PTPRM: variants seen among roughly 807,000 people sequenced by gnomAD.
The protein encoded by PTPRM is protein tyrosine phosphatase receptor type M, also known as receptor-type tyrosine-protein phosphatase mu.
A neutral mutation model predicts 186.7 loss-of-function variants in PTPRM; 47 were observed. The observed-to-expected ratio is 0.25, with a 90% confidence interval of 0.20 to 0.32. The LOEUF (loss-of-function observed/expected upper bound fraction) is 0.32. Among genes scored for constraint, PTPRM ranks in the 10% least tolerant of loss-of-function variants. PTPRM has a pLI of 1.00. For missense variants in PTPRM, 1,494 were observed against 1,865.0 expected (o/e 0.80, Z 3.66); for synonymous variants, 668 against 674.9 (o/e 0.99, Z 0.16).
At chr18:7,705,420 TG>T (rs1450953351) in intron 1 of PTPRM, among the ~76,000 whole-genome samples, 1 of 151,998 alleles carries the variant, frequency 6.6e-6, no homozygotes, top group Non-Finnish European at 1.5e-5. Context: ...AAAGTTTTAA[TG>T]GTGGTTGTAC....
At chr18:7,644,226 T>C (rs1412030005) in intron 1 of PTPRM, among the ~76,000 whole-genome samples, 1 of 152,192 alleles carries the variant, frequency 6.6e-6, no homozygotes, top group African/African-American at 2.4e-5. Flanking sequence ...CACCCTGTTA[T>C]TTGTGTTTAT....
At chr18:8,107,849 G>T (rs2091591724) in intron 11 of PTPRM, among the ~76,000 whole-genome samples, 2 of 152,168 alleles carry the variant, frequency 1.3e-5, no homozygotes, top group Non-Finnish European at 2.9e-5. Flanking sequence ...TGTCCAGTCA[G>T]TTACTCTCAG....
At chr18:8,233,484 TG>T (rs1400291697) in intron 14 of PTPRM, among the ~76,000 whole-genome samples, 2 of 152,240 alleles carry the variant, frequency 1.3e-5, no homozygotes, top group Non-Finnish European at 2.9e-5. Context: ...TCAAGGTCTC[TG>T]GCCCATTTTT....
At chr18:7,730,787 G>T (rs2040643041) in intron 1 of PTPRM, among the ~76,000 whole-genome samples, 1 of 152,176 alleles carries the variant, frequency 6.6e-6, no homozygotes, top group South Asian at 2.1e-4. Context: ...CTGCAGATTT[G>T]TTGAGACAGT....
chr18:8,271,743 A>G (rs905719161), intron 19 of PTPRM, among the ~76,000 whole-genome samples: 4 of 151,850 alleles, frequency 2.6e-5, no homozygotes, highest in African/African-American at 9.7e-5. Context: ...GAATTTCTAC[A>G]TTTTATCTTT....
At chr18:8,289,567 T>TATATATACACATATATATATACAC (rs1568675216) in intron 19 of PTPRM, among the ~76,000 whole-genome samples, 1 of 123,690 alleles carries the variant, frequency 8.1e-6, no homozygotes, top group African/African-American at 3.7e-5. Flanking sequence ...TATACACATA[T>TATATATACACATATATATATACAC]ATATATATAC....
At chr18:7,894,976 A>G (rs551645525) in intron 3 of PTPRM, among the ~76,000 whole-genome samples, 1 of 152,342 alleles carries the variant, frequency 6.6e-6, no homozygotes, top group South Asian at 2.1e-4. Flanking sequence ...TCACACTAGT[A>G]AGTAGTTTTG....
chr18:7,621,469 G>A (rs978486248), intron 1 of PTPRM, among the ~76,000 whole-genome samples: 8 of 152,038 alleles, frequency 5.3e-5, no homozygotes, highest in Non-Finnish European at 1.2e-4. Context: ...TTGACATGCC[G>A]TTATCACCCA....
chr18:7,726,527 T>G (rs661828), intron 1 of PTPRM, among the ~76,000 whole-genome samples: 97,200 of 152,014 alleles, frequency 0.64, 33,036 homozygotes, highest in East Asian at 0.99. Context: ...TACCCAGAAG[T>G]TCTTCAGTAG....
At chr18:8,227,728 T>A (rs187482046) in intron 14 of PTPRM, among the ~76,000 whole-genome samples, 19 of 152,342 alleles carry the variant, frequency 1.2e-4, no homozygotes, top group Non-Finnish European at 2.1e-4. Flanking sequence ...ATATTTATAG[T>A]CTGATAGAGG....
chr18:7,787,578 T>A (rs2043150227), intron 2 of PTPRM, among the ~76,000 whole-genome samples: 1 of 152,200 alleles, frequency 6.6e-6, no homozygotes, highest in South Asian at 2.1e-4. Context: ...ATTGAGACGC[T>A]TTTAGCCCAG....
intron 14 of PTPRM, among the ~76,000 whole-genome samples, chr18:8,156,945 G>A (rs1355537888): frequency 6.6e-6 from 1 of 152,134 alleles, no homozygotes; most frequent in Non-Finnish European, 1.5e-5. Context: ...TCTCAATGGT[G>A]AGGATGCTGT....
chr18:7,980,243 C>T (rs2082475227), intron 7 of PTPRM, among the ~76,000 whole-genome samples: 1 of 152,156 alleles, frequency 6.6e-6, no homozygotes, highest in African/African-American at 2.4e-5. Context: ...CATGTACTCT[C>T]TTTCCTAGGT....
chr18:8,001,257 AG>A (rs968158980), intron 7 of PTPRM, among the ~76,000 whole-genome samples: 4 of 152,168 alleles, frequency 2.6e-5, no homozygotes, highest in African/African-American at 9.7e-5. Flanking sequence ...GTCCTCTGTT[AG>A]GGGATAGCGA....
intron 1 of PTPRM, among the ~76,000 whole-genome samples, chr18:7,739,511 CAG>C (rs531939724): frequency 2.0e-4 from 30 of 152,246 alleles, no homozygotes; most frequent in Admixed American, 9.2e-4. Flanking sequence ...CAATATCAAA[CAG>C]AAAATTTCAG....
intron 7 of PTPRM, among the ~76,000 whole-genome samples, chr18:8,009,225 G>C (rs1269867054): frequency 6.6e-6 from 1 of 152,148 alleles, no homozygotes; most frequent in African/African-American, 2.4e-5. Context: ...TTTGTGAGGT[G>C]CTCAGTTGAT....
intron 1 of PTPRM, among the ~76,000 whole-genome samples, chr18:7,624,029 C>T (rs995064634): frequency 6.6e-6 from 1 of 152,136 alleles, no homozygotes; most frequent in Admixed American, 6.5e-5. Context: ...CTGGCCAGTA[C>T]TGGTGGATCT....
chr18:8,268,754 G>T (rs917629719), intron 19 of PTPRM, among the ~76,000 whole-genome samples: 2 of 152,010 alleles, frequency 1.3e-5, no homozygotes, highest in Non-Finnish European at 2.9e-5. Flanking sequence ...TCCCTGGGGT[G>T]CAAGGATGGT....
intron 13 of PTPRM, among the ~76,000 whole-genome samples, chr18:8,115,266 G>A (rs550578619): frequency 1.3e-5 from 2 of 152,188 alleles, no homozygotes; most frequent in South Asian, 2.1e-4. Flanking sequence ...GAGTCTACGC[G>A]GGCTTTTTTC....
Sources: gnomAD v4.1 joint callset for allele counts (sites outside exome capture counted in the v4.1 genomes callset) on GRCh38, gnomAD v4.1.1 for gene constraint, MANE v1.5 for transcripts, NCBI Gene and HGNC (gene_info 2026-07-23, HGNC 2026-07-21) for gene names.